Variants in MICU1 observed in about 807,000 individuals in gnomAD.
The protein encoded by MICU1 is calcium uptake protein 1, mitochondrial.
In MICU1, 45 loss-of-function variants were observed where a neutral mutation model predicts 56.8. That is an observed-to-expected ratio of 0.79 (90% CI 0.62 to 1.02). The LOEUF is 1.02. MICU1 is among the 50% of genes least tolerant of loss of function. The pLI, the probability that MICU1 is intolerant of heterozygous loss-of-function variation, is 0.00. For synonymous variants in MICU1, 186 were observed against 195.1 expected, an observed-to-expected ratio of 0.95 and a Z score of 0.39; for missense variants, 504 against 587.1, an observed-to-expected ratio of 0.86 and a Z score of 1.46.
In MICU1 at chr10:72,387,228, A is replaced by G. The variant is rs1295548260; in HGVS notation, c.1181-11356T>C. On this transcript the variant is annotated intron_variant, in intron 10 of 11. Transcript: ENST00000361114. The stretch of plus-strand genomic sequence containing the variant: ...TCTGCATGAACCCTTAGAGATACTT[A>G]TAACTCCAACCTGAGGGTCAGAGTA... Among the ~76,000 whole-genome samples, 6 of 152,360 alleles carry G rather than the reference A, an allele frequency of 3.9e-5. No homozygotes were observed. The South Asian group carries it at 6.2e-4, about 16-fold the overall frequency.
chr10:72,603,816 A>AAAAC (rs928073633), intron 1 of MICU1, among the ~76,000 whole-genome samples: 5 of 152,076 alleles, frequency 3.3e-5, no homozygotes, highest in African/African-American at 7.2e-5. Flanking sequence ...AAAACAAAAC[A>AAAAC]AAACAAACAA....
intron 5 of MICU1, among the ~76,000 whole-genome samples, chr10:72,525,745 C>G (rs1218797348): frequency 6.6e-6 from 1 of 152,128 alleles, no homozygotes; most frequent in African/African-American, 2.4e-5. Context: ...TGCAAAACAG[C>G]TATAATTTGT....
intron 10 of MICU1, among the ~76,000 whole-genome samples, chr10:72,393,152 T>C (rs1483718906): frequency 6.6e-6 from 1 of 152,228 alleles, no homozygotes; most frequent in African/African-American, 2.4e-5. Context: ...CATTCATTTG[T>C]TGACTATATA....
intron 1 of MICU1, among the ~76,000 whole-genome samples, chr10:72,613,057 C>T (rs769272651): frequency 4.6e-5 from 7 of 151,852 alleles, no homozygotes; most frequent in Non-Finnish European, 7.4e-5. Flanking sequence ...AACATCAAAC[C>T]TTTATAGCTT....
chr10:72,533,072 C>G, intron 5 of MICU1: 1 of 1,289,752 alleles, frequency 7.8e-7, no homozygotes. Context: ...GTTCTTTCTT[C>G]TTTCTGAAGT....
chr10:72,519,206 T>C (rs1369033499), intron 5 of MICU1, among the ~76,000 whole-genome samples: 2 of 152,220 alleles, frequency 1.3e-5, no homozygotes, highest in African/African-American at 4.8e-5. Flanking sequence ...GCAAAATGTT[T>C]TAAAGCAATG....
intron 3 of MICU1, among the ~76,000 whole-genome samples, chr10:72,554,801 G>A (rs1840118347): frequency 6.6e-6 from 1 of 152,160 alleles, no homozygotes; most frequent in South Asian, 2.1e-4. Flanking sequence ...GATCACTTGA[G>A]GTCAGGAGTT....
chr10:72,522,954 T>C (rs1463223371), intron 5 of MICU1, among the ~76,000 whole-genome samples: 1 of 152,192 alleles, frequency 6.6e-6, no homozygotes, highest in African/African-American at 2.4e-5. Flanking sequence ...GACTTAAGAA[T>C]GCAGAAAAGC....
intron 6 of MICU1, among the ~76,000 whole-genome samples, chr10:72,480,653 A>G (rs1345262281): frequency 6.6e-6 from 1 of 152,238 alleles, no homozygotes; most frequent in East Asian, 1.9e-4. Context: ...AGAAATAGGA[A>G]AACATTTGAT....
At chr10:72,439,929 C>T (rs1300022956) in intron 8 of MICU1, among the ~76,000 whole-genome samples, 1 of 152,160 alleles carries the variant, frequency 6.6e-6, no homozygotes, top group African/African-American at 2.4e-5. Context: ...ACATTCCATG[C>T]TCATGGATAG....
At position 72,512,238 on chromosome 10, in the gene MICU1, A is replaced by T. The variant is rs575587682; in HGVS notation, c.538-3969T>A. On this transcript the variant is annotated intron_variant, in intron 5 of 11. Transcript: ENST00000361114. ...GCAATTCCCCTGCCTCAGCCTCCCA[A>T]GTAGCGGGATTACAGGTGCCCGCCA... Among the ~76,000 whole-genome samples, 14 of 150,908 alleles carry T rather than the reference A, an allele frequency of 9.3e-5. No individual in the cohort carries two copies. In the South Asian group the frequency reaches 2.9e-3, roughly 32 times the overall value.
intron 4 of MICU1, among the ~76,000 whole-genome samples, chr10:72,548,268 G>A (rs1372435204): frequency 6.6e-6 from 1 of 151,876 alleles, no homozygotes; most frequent in Non-Finnish European, 1.5e-5. Context: ...CACATAAATG[G>A]CAATAAAAAA....
chr10:72,444,943 G>T (rs1235706198), intron 8 of MICU1, among the ~76,000 whole-genome samples: 1 of 152,190 alleles, frequency 6.6e-6, no homozygotes, highest in Non-Finnish European at 1.5e-5. Flanking sequence ...GAGAGAATGT[G>T]ATACTTCATT....
Position 72,551,083 on chromosome 10 carries a change from C to T in MICU1, c.493+96G>A, listed in dbSNP as rs888510506. 9.2e-6 allele frequency: 11 copies of T among 1,199,694 alleles called. No homozygotes were observed. In the Admixed American group the frequency reaches 2.2e-4, roughly 24 times the overall value. The allele number at this position is 1,199,694 out of a possible 1,614,324, so 74.3% of individuals were successfully genotyped here. A position where few individuals can be genotyped will look rare whatever the true frequency, so the allele number is the denominator to read the frequency against. On this transcript the variant is annotated intron_variant, in intron 4 of 11. Coordinates refer to ENST00000361114, the MANE Select transcript of MICU1 (RefSeq NM_001195518.2). ...AGACACACTGTTCATATCATCATTACAAGGACCTGTAAGATTTCAGTACTA... is the reference window on the plus strand; with the variant it reads ...AGACACACTGTTCATATCATCATTATAAGGACCTGTAAGATTTCAGTACTA...
intron 4 of MICU1, among the ~76,000 whole-genome samples, chr10:72,536,505 C>T (rs987784722): frequency 6.6e-6 from 1 of 151,796 alleles, no homozygotes; most frequent in African/African-American, 2.4e-5. Context: ...TGCCACCATG[C>T]CCGGCTAATT....
chr10:72,571,866 C>A (rs571920466), intron 1 of MICU1, among the ~76,000 whole-genome samples: 1 of 151,682 alleles, frequency 6.6e-6, no homozygotes, highest in South Asian at 2.1e-4. Flanking sequence ...CCAACATGGG[C>A]AACATGGTAA....
chr10:72,532,354 A>G (rs549233037), intron 5 of MICU1, among the ~76,000 whole-genome samples: 2 of 152,216 alleles, frequency 1.3e-5, no homozygotes, highest in East Asian at 1.9e-4. Flanking sequence ...TGAATTTGCT[A>G]TAAGTTATTA....
At chr10:72,489,280 CGAG>C (rs1866571917) in intron 6 of MICU1, among the ~76,000 whole-genome samples, 3 of 26,174 alleles carry the variant, frequency 1.1e-4, no homozygotes, top group African/African-American at 2.1e-4. Context: ...GGTGACAGAG[CGAG>C]ACTCTGTCAC....
chr10:72,541,799 T>C (rs774602346), intron 4 of MICU1, among the ~76,000 whole-genome samples: 2 of 152,226 alleles, frequency 1.3e-5, no homozygotes, highest in Non-Finnish European at 2.9e-5. Flanking sequence ...AACAAGAACT[T>C]GTCAGGCAAT....
Sources: allele counts gnomAD v4.1 joint callset (sites outside exome capture counted in the v4.1 genomes callset), GRCh38; gene constraint gnomAD v4.1.1; transcripts MANE v1.5; gene names NCBI Gene and HGNC (gene_info 2026-07-23, HGNC 2026-07-21).